Variants in CCDC7 observed in about 807,000 individuals in gnomAD.
CCDC7 encodes the protein coiled-coil domain containing 7.
A neutral mutation model predicts 196.9 loss-of-function variants in CCDC7; 183 were observed. The observed-to-expected ratio is 0.93, with a 90% CI of 0.82 to 1.05. The LOEUF (loss-of-function observed/expected upper bound fraction) is 1.05. Ranked by LOEUF, CCDC7 falls within the 50% of genes least tolerant of loss-of-function variation. CCDC7 has a pLI of 0.00. For missense variants in CCDC7, 1,540 were observed against 1,482.2 expected (o/e 1.04, Z -0.64); for synonymous variants, 525 against 484.6 (o/e 1.08, Z -1.10).
intron 29 of CCDC7, among the ~76,000 whole-genome samples, chr10:32,802,688 C>T (rs894938139): frequency 2.0e-5 from 3 of 152,124 alleles, no homozygotes; most frequent in African/African-American, 7.2e-5. Context: ...ATTTCCAAAA[C>T]CTCAAAAGTA....
At chr10:32,811,512 T>C (rs2087110410) in intron 30 of CCDC7, among the ~76,000 whole-genome samples, 1 of 152,074 alleles carries the variant, frequency 6.6e-6, no homozygotes, top group African/African-American at 2.4e-5. Flanking sequence ...GAATAAGTTA[T>C]AAAGTTCCGT....
At chr10:32,459,567 T>C (rs1199813774) in intron 3 of CCDC7, among the ~76,000 whole-genome samples, 1 of 151,826 alleles carries the variant, frequency 6.6e-6, no homozygotes, top group African/African-American at 2.4e-5. Flanking sequence ...GTGGCATTGC[T>C]TGGTTGCTTT....
rs1408686874 is a variant in CCDC7 at position 32,617,927 on chromosome 10, G to T, written c.1802-16327G>T. On this transcript the variant is annotated intron_variant, in intron 18 of 41. Coordinates refer to ENST00000639629, the Ensembl canonical transcript of CCDC7. The stretch of plus-strand genomic sequence containing the variant: ...ATTGCTAGGTGTTTTGATGTTGGGT[G>T]CCCATGTATTTAGGATTGTTGTATC... 4.0e-5 allele frequency among the ~76,000 whole-genome samples: 6 copies of T among 151,790 alleles called. No homozygotes were observed. The South Asian group carries it at 6.2e-4, about 16-fold the overall frequency.
At chr10:32,795,196 T>C (rs1000986088) in intron 29 of CCDC7, among the ~76,000 whole-genome samples, 2 of 152,212 alleles carry the variant, frequency 1.3e-5, no homozygotes, top group African/African-American at 4.8e-5. Flanking sequence ...TCTTGAACAG[T>C]AATAATTCTT....
At chr10:32,828,492 GAAGAAGAAGAAGAAGAAGAAGAAGAA>G (rs2091654167) in intron 32 of CCDC7, among the ~76,000 whole-genome samples, 1 of 89,924 alleles carries the variant, frequency 1.1e-5, no homozygotes, top group African/African-American at 4.4e-5. Context: ...AGAGGAAGAA[GAAGAAGAAGAAGAAGAAGAAGAAGAA>G]GAAGAAGAAG....
intron 25 of CCDC7, among the ~76,000 whole-genome samples, chr10:32,716,577 G>C (rs1209090572): frequency 1.3e-5 from 2 of 152,086 alleles, no homozygotes; most frequent in African/African-American, 4.8e-5. Flanking sequence ...ATGAGAAAAT[G>C]CCTCAATTAA....
chr10:32,728,949 C>T lies in CCDC7; in HGVS notation c.2731C>T (p.Gln911Ter), dbSNP rs946733464. ...TCATCAAGATTCAAAGTCAAAACTC[C>T]AAATGCAAGAAAAGAAACAAATAAA... The change falls in exon 27 of 42, where the codon CAA becomes TAA. Residue 911 changes from glutamine (Q) to a stop codon, truncating the protein, a stop_gained. Transcript: ENST00000639629. LOFTEE classifies it high-confidence loss of function. 6.2e-7 allele frequency: 1 copy of T among 1,608,712 alleles called. No individual in the cohort carries two copies. The highest frequency in any genetic ancestry group is 8.5e-7 in the Non-Finnish European group (1 of 1,176,546).
At chr10:32,759,577 T>G (rs1349100787) in intron 28 of CCDC7, among the ~76,000 whole-genome samples, 1 of 152,148 alleles carries the variant, frequency 6.6e-6, no homozygotes, top group East Asian at 1.9e-4. Flanking sequence ...TCCTTACACC[T>G]TATACAAAAA....
intron 18 of CCDC7, among the ~76,000 whole-genome samples, chr10:32,632,408 C>T (rs1292962195): frequency 1.3e-5 from 2 of 151,400 alleles, no homozygotes; most frequent in Non-Finnish European, 2.9e-5. Context: ...GTTATTAAAC[C>T]AAGCCAGCAT....
chr10:32,558,344 C>T (rs990025954), intron 13 of CCDC7, among the ~76,000 whole-genome samples: 7 of 152,114 alleles, frequency 4.6e-5, no homozygotes, highest in Non-Finnish European at 8.8e-5. Context: ...GGTAGCAGCT[C>T]ACATTGCATT....
chr10:32,554,783 A>G (rs1470751341), intron 13 of CCDC7, among the ~76,000 whole-genome samples: 1 of 152,150 alleles, frequency 6.6e-6, no homozygotes, highest in Non-Finnish European at 1.5e-5. Flanking sequence ...CTGTTGTGCT[A>G]TCAAATACTA....
chr10:32,625,520 G>A (rs182776819), intron 18 of CCDC7, among the ~76,000 whole-genome samples: 15 of 151,690 alleles, frequency 9.9e-5, no homozygotes, highest in Admixed American at 3.3e-4. Context: ...TATGATTTAC[G>A]AATATAATGT....
intron 29 of CCDC7, among the ~76,000 whole-genome samples, chr10:32,787,184 A>T (rs770082152): frequency 6.6e-6 from 1 of 152,074 alleles, no homozygotes; most frequent in Non-Finnish European, 1.5e-5. Flanking sequence ...GATGAAAGAC[A>T]TGCATCTACA....
At chr10:32,579,607 G>A (rs540920270) in intron 16 of CCDC7, among the ~76,000 whole-genome samples, 10 of 152,218 alleles carry the variant, frequency 6.6e-5, no homozygotes, top group Middle Eastern at 3.4e-3. Flanking sequence ...TAGTCATTAC[G>A]ATGACCATGA....
At chr10:32,558,229 A>G (rs2054684037) in intron 13 of CCDC7, among the ~76,000 whole-genome samples, 1 of 152,096 alleles carries the variant, frequency 6.6e-6, no homozygotes, top group African/African-American at 2.4e-5. Flanking sequence ...TATGAATATC[A>G]TATTCTTGAA....
intron 21 of CCDC7, among the ~76,000 whole-genome samples, chr10:32,681,020 C>T (rs1215575530): frequency 6.6e-6 from 1 of 152,156 alleles, no homozygotes; most frequent in East Asian, 1.9e-4. Context: ...TACTACATGT[C>T]CCTGAGTGCT....
At chr10:32,554,888 T>C (rs948668892) in intron 13 of CCDC7, among the ~76,000 whole-genome samples, 1 of 152,238 alleles carries the variant, frequency 6.6e-6, no homozygotes, top group South Asian at 2.1e-4. Flanking sequence ...CTGATAACCA[T>C]CATTCTGCGC....
At chr10:32,731,855 C>A (rs2084026342) in intron 28 of CCDC7, among the ~76,000 whole-genome samples, 1 of 152,154 alleles carries the variant, frequency 6.6e-6, no homozygotes, top group African/African-American at 2.4e-5. Context: ...AGATCGAGAC[C>A]ATCCTGGCTA....
chr10:32,568,301 G>A (rs12254344), intron 15 of CCDC7, among the ~76,000 whole-genome samples: 17,210 of 152,010 alleles, frequency 0.11, 1,171 homozygotes, highest in South Asian at 0.27. Context: ...CACCGCGCCC[G>A]GCCTTTGGAT....
Sources: allele counts gnomAD v4.1 joint callset (sites outside exome capture counted in the v4.1 genomes callset), GRCh38; gene constraint gnomAD v4.1.1; transcripts MANE v1.5; gene names NCBI Gene and HGNC (gene_info 2026-07-23, HGNC 2026-07-21).